The following FER variants were observed in gnomAD, a reference collection of about 807,000 sequenced individuals.
FER encodes the protein tyrosine-protein kinase Fer.
In FER, 63 loss-of-function variants were observed where a neutral mutation model predicts 111.0. The ratio of observed to expected loss-of-function variants is 0.57; its 90% CI spans 0.46 to 0.70. The LOEUF (loss-of-function observed/expected upper bound fraction) is 0.70. FER is among the 30% of genes least tolerant of loss of function. The pLI, the probability that FER is intolerant of heterozygous loss-of-function variation, is 0.00. For missense variants in FER, 914 were observed against 954.0 expected, an observed-to-expected ratio of 0.96 and a Z score of 0.55; for synonymous variants, 327 against 313.9, an observed-to-expected ratio of 1.04 and a Z score of -0.44.
rs1458881168 is a variant in FER at position 109,192,440 on chromosome 5, A to C, written c.*4865A>C. 1 of 152,110 alleles carries C rather than the reference A, an allele frequency of 6.6e-6. No homozygotes were observed. Among genetic ancestry groups the C allele is most frequent in the African/African-American group, 2.4e-5 (1 of 41,422 alleles). The allele number at this position is 152,110 out of a possible 1,614,324, so 9.4% of individuals were successfully genotyped here. On this transcript the variant is annotated 3_prime_UTR_variant, in exon 20 of 20. Coordinates refer to ENST00000281092, the MANE Select transcript of FER (RefSeq NM_005246.4). ...GTGGGCCTTAGCAAAGAGTAAACCA[A>C]ATACCTCTCCTTGTGTTAGGAGCAC...
chr5:109,146,264 A>C (rs1561953926), intron 17 of FER, among the ~76,000 whole-genome samples: 4,380 of 95,222 alleles, frequency 0.046, 563 homozygotes, highest in Middle Eastern at 0.12. Context: ...ATATATATAT[A>C]TATATATATA....
chr5:109,023,952 A>G (rs1440385590), intron 13 of FER, among the ~76,000 whole-genome samples: 1 of 152,150 alleles, frequency 6.6e-6, no homozygotes, highest in African/African-American at 2.4e-5. Flanking sequence ...AGCACTTATT[A>G]TATGTTAGGC....
intron 17 of FER, among the ~76,000 whole-genome samples, chr5:109,113,697 G>T (rs562569563): frequency 6.4e-4 from 98 of 152,260 alleles, no homozygotes; most frequent in Non-Finnish European, 1.1e-3. Context: ...ACTATGCCTG[G>T]CGCATAGTAT....
At chr5:108,750,967 C>G (rs902386241) in intron 1 of FER, among the ~76,000 whole-genome samples, 2 of 151,926 alleles carry the variant, frequency 1.3e-5, no homozygotes, top group African/African-American at 4.8e-5. Context: ...CCGAGGCGGG[C>G]GGATCACCTG....
intron 16 of FER, among the ~76,000 whole-genome samples, chr5:109,087,875 T>A (rs1307069739): frequency 6.6e-6 from 1 of 151,914 alleles, no homozygotes; most frequent in African/African-American, 2.4e-5. Context: ...ATAGTAATTA[T>A]TACCTGAATT....
At chr5:108,790,268 C>T (rs1223810409) in intron 2 of FER, among the ~76,000 whole-genome samples, 1 of 151,804 alleles carries the variant, frequency 6.6e-6, no homozygotes, top group East Asian at 1.9e-4. Flanking sequence ...CACACACACA[C>T]ACACACTCTT....
intron 17 of FER, among the ~76,000 whole-genome samples, chr5:109,172,883 A>G (rs1245988552): frequency 2.0e-5 from 3 of 152,198 alleles, no homozygotes; most frequent in Non-Finnish European, 4.4e-5. Context: ...ATCTGACTAT[A>G]CAAATTTAGT....
intron 4 of FER, among the ~76,000 whole-genome samples, chr5:108,834,140 A>G (rs1391998588): frequency 6.6e-6 from 1 of 151,932 alleles, no homozygotes; most frequent in African/African-American, 2.4e-5. Context: ...ATATAATTGA[A>G]TTTTCTTCAT....
At chr5:108,765,850 TA>T (rs1752261889) in intron 1 of FER, among the ~76,000 whole-genome samples, 1 of 152,164 alleles carries the variant, frequency 6.6e-6, no homozygotes, top group Non-Finnish European at 1.5e-5. Context: ...GCTGTATGAG[TA>T]ATACTGTTTA....
intron 17 of FER, among the ~76,000 whole-genome samples, chr5:109,145,740 G>A (rs1754017700): frequency 6.6e-6 from 1 of 152,056 alleles, no homozygotes; most frequent in Non-Finnish European, 1.5e-5. Context: ...AAGGGAGGCT[G>A]TATGCATATA....
intron 17 of FER, among the ~76,000 whole-genome samples, chr5:109,112,026 A>G (rs1044680720): frequency 1.3e-5 from 2 of 152,146 alleles, no homozygotes; most frequent in African/African-American, 4.8e-5. Context: ...TCTTAAATTA[A>G]CCTTTTAATG....
chr5:108,946,833 T>G (rs2149628379), intron 11 of FER, among the ~76,000 whole-genome samples: 1 of 152,066 alleles, frequency 6.6e-6, no homozygotes, highest in South Asian at 2.1e-4. Context: ...GGAGTTTTTT[T>G]TCCCCCTCAA....
At chr5:109,118,870 A>G (rs527672507) in intron 17 of FER, among the ~76,000 whole-genome samples, 4 of 148,344 alleles carry the variant, frequency 2.7e-5, no homozygotes, top group African/African-American at 9.9e-5. Context: ...ATCATTTTTT[A>G]TTGCATCTAT....
At chr5:109,028,002 G>T (rs1466405457) in intron 13 of FER, among the ~76,000 whole-genome samples, 1 of 152,030 alleles carries the variant, frequency 6.6e-6, no homozygotes. Context: ...TTATTTTTAA[G>T]TGATTTTATA....
chr5:109,103,788 C>G (rs946537877), intron 17 of FER, among the ~76,000 whole-genome samples: 1 of 152,076 alleles, frequency 6.6e-6, no homozygotes, highest in African/African-American at 2.4e-5. Flanking sequence ...GTAAAGAATA[C>G]TCTGATTTTG....
intron 17 of FER, among the ~76,000 whole-genome samples, chr5:109,146,210 T>TTTA (rs1561953365): frequency 0.15 from 14,131 of 94,604 alleles, 1,821 homozygotes; most frequent in Middle Eastern, 0.25. Flanking sequence ...TCTATCTATT[T>TTTA]TATATATATA....
chr5:108,908,021 TTTATTGAGAACAATTTCA>T (rs1751031972), intron 10 of FER, among the ~76,000 whole-genome samples: 1 of 152,228 alleles, frequency 6.6e-6, no homozygotes, highest in Non-Finnish European at 1.5e-5. Flanking sequence ...AACATTTTAG[TTTATTGAGAACAATTTCA>T]TTATTATTTA....
At chr5:108,952,585 A>G (rs1392229404) in intron 11 of FER, among the ~76,000 whole-genome samples, 1 of 138,612 alleles carries the variant, frequency 7.2e-6, no homozygotes, top group Non-Finnish European at 1.7e-5. Context: ...TTCCCTTCCT[A>G]CCTACAAAGG....
chr5:109,116,032 A>T (rs1750186736), intron 17 of FER, among the ~76,000 whole-genome samples: 1 of 152,134 alleles, frequency 6.6e-6, no homozygotes, highest in South Asian at 2.1e-4. Context: ...AAATGATGAG[A>T]TACCAAAGAA....
Sources: gnomAD v4.1 joint callset for allele counts (sites outside exome capture counted in the v4.1 genomes callset) on GRCh38, gnomAD v4.1.1 for gene constraint, MANE v1.5 for transcripts, NCBI Gene and HGNC (gene_info 2026-07-23, HGNC 2026-07-21) for gene names.